Variants in TAFA5 observed in about 807,000 individuals in gnomAD.
TAFA5 encodes the protein TAFA chemokine like family member 5.
A neutral mutation model predicts 15.3 loss-of-function variants in TAFA5; 6 were observed. That is an observed-to-expected ratio of 0.39 (90% confidence interval 0.21 to 0.77). TAFA5 has a LOEUF of 0.77. TAFA5 is among the 30% of genes least tolerant of loss of function. TAFA5 has a pLI of 0.41. For missense variants in TAFA5, 161 were observed against 193.1 expected (o/e 0.83, Z 0.98); for synonymous variants, 103 against 80.7 (o/e 1.28, Z -1.48).
chr22:48,617,436 AATG>A (rs1353076405), intron 1 of TAFA5, among the ~76,000 whole-genome samples: 1 of 152,152 alleles, frequency 6.6e-6, no homozygotes. Flanking sequence ...CAAGAGGATA[AATG>A]GGTGCTGTTT....
At chr22:48,516,669 C>G (rs1921418590) in intron 1 of TAFA5, among the ~76,000 whole-genome samples, 1 of 152,196 alleles carries the variant, frequency 6.6e-6, no homozygotes, top group Admixed American at 6.5e-5. Context: ...GGGCTCGGGT[C>G]ATGTGGCTCA....
At chr22:48,695,578 T>C (rs543791660) in intron 2 of TAFA5, among the ~76,000 whole-genome samples, 1 of 152,290 alleles carries the variant, frequency 6.6e-6, no homozygotes, top group South Asian at 2.1e-4. Flanking sequence ...CTTGTGCCTG[T>C]CTGTCTGTTC....
rs544138200 is a variant in TAFA5 at position 48,556,539 on chromosome 22, T to A, written c.112+66835T>A. 8.5e-5 allele frequency among the ~76,000 whole-genome samples: 13 copies of A among 152,394 alleles called. No homozygotes were observed. In the South Asian group the frequency reaches 2.7e-3, roughly 32 times the overall value. ...GAGAAGCTTCTTGGCAGGCCCATGT[T>A]GGAAGACCTTTGATTTTTGAAAGGA... On this transcript the variant is annotated intron_variant, in intron 1 of 3. Transcript: ENST00000402357.
intron 1 of TAFA5, among the ~76,000 whole-genome samples, chr22:48,519,857 G>A (rs541467265): frequency 6.6e-6 from 1 of 152,340 alleles, no homozygotes; most frequent in South Asian, 2.1e-4. Context: ...TGGAAACAGG[G>A]TAATGGCAGG....
At chr22:48,612,901 G>A (rs1925463649) in intron 1 of TAFA5, among the ~76,000 whole-genome samples, 2 of 152,162 alleles carry the variant, frequency 1.3e-5, no homozygotes, top group African/African-American at 4.8e-5. Context: ...GCAGTGGGTG[G>A]TGCAGGAGGT....
chr22:48,522,160 CAGCCCA>C (rs1376835506), intron 1 of TAFA5, among the ~76,000 whole-genome samples: 1 of 152,174 alleles, frequency 6.6e-6, no homozygotes, highest in Non-Finnish European at 1.5e-5. Flanking sequence ...TGGAGATGGG[CAGCCCA>C]AGGCTGACGG....
intron 1 of TAFA5, among the ~76,000 whole-genome samples, chr22:48,579,107 A>G (rs540958145): frequency 1.0e-4 from 15 of 145,448 alleles, no homozygotes; most frequent in African/African-American, 3.8e-4. Context: ...GTGGAGATAG[A>G]GGCCACCCCG....
rs150313089 is a variant in TAFA5, at chr22:48,525,374, C to T, written c.112+35670C>T. Among the ~76,000 whole-genome samples, 573 of 152,312 alleles carry T rather than the reference C, an allele frequency of 3.8e-3. 4 individuals are homozygous for T. Among genetic ancestry groups the T allele is most frequent in the Middle Eastern group, 0.017 (5 of 294 alleles). On this transcript the variant is annotated intron_variant, in intron 1 of 3. Transcript: ENST00000402357. ...TACGCTGAGGGCTTGGTCCACACCC[C>T]ACCCTCACCCCGACAGGTGCCCGCT... is the stretch of plus-strand genomic sequence containing the variant.
chr22:48,587,979 C>T (rs935249353), intron 1 of TAFA5, among the ~76,000 whole-genome samples: 30 of 152,204 alleles, frequency 2.0e-4, no homozygotes, highest in African/African-American at 6.8e-4. Context: ...CTTGTTCCTG[C>T]CCATTTTACT....
chr22:48,513,717 G>A (rs897703958), intron 1 of TAFA5, among the ~76,000 whole-genome samples: 9 of 152,236 alleles, frequency 5.9e-5, no homozygotes, highest in South Asian at 2.1e-4. Context: ...AGGAGGTGCC[G>A]TGCCTTGCTC....
At chr22:48,582,904 C>G (rs1272561316) in intron 1 of TAFA5, among the ~76,000 whole-genome samples, 2 of 148,026 alleles carry the variant, frequency 1.4e-5, no homozygotes, top group African/African-American at 5.0e-5. Flanking sequence ...AAGTACACCA[C>G]ACACAAAATA....
At chr22:48,673,521 CT>C (rs758785465) in intron 2 of TAFA5, among the ~76,000 whole-genome samples, 3 of 152,178 alleles carry the variant, frequency 2.0e-5, no homozygotes, top group Non-Finnish European at 4.4e-5. Context: ...CTGTTGGGCT[CT>C]GCTGGCCAGG....
chr22:48,654,252 C>T (rs537465491), intron 2 of TAFA5, among the ~76,000 whole-genome samples: 1 of 152,246 alleles, frequency 6.6e-6, no homozygotes, highest in South Asian at 2.1e-4. Context: ...GGAGGCCAGA[C>T]ACCTGGGCTG....
chr22:48,692,077 G>A (rs539035318), intron 2 of TAFA5, among the ~76,000 whole-genome samples: 86 of 152,300 alleles, frequency 5.6e-4, no homozygotes, highest in African/African-American at 2.0e-3. Context: ...CTGAACCTGG[G>A]ATGGGGCAGT....
At chr22:48,518,982 C>T (rs1921513527) in intron 1 of TAFA5, among the ~76,000 whole-genome samples, 1 of 152,130 alleles carries the variant, frequency 6.6e-6, no homozygotes, top group African/African-American at 2.4e-5. Flanking sequence ...GTCGGACACC[C>T]TGGAGGGAGG....
At chr22:48,717,437 T>TG (rs1322286932) in intron 3 of TAFA5, among the ~76,000 whole-genome samples, 2 of 152,152 alleles carry the variant, frequency 1.3e-5, no homozygotes, top group African/African-American at 2.4e-5. Context: ...GGACAAGAGG[T>TG]GTCTCCCAGG....
At chr22:48,727,258 A>G (rs1929741494) in intron 3 of TAFA5, among the ~76,000 whole-genome samples, 1 of 152,216 alleles carries the variant, frequency 6.6e-6, no homozygotes. Context: ...ATTATTTAAT[A>G]TACTCTGTAT....
chr22:48,638,440 C>T (rs1286204751), intron 1 of TAFA5, among the ~76,000 whole-genome samples: 187 of 102,182 alleles, frequency 1.8e-3, no homozygotes, highest in African/African-American at 6.0e-3. Flanking sequence ...ACAGGCAGCA[C>T]CCCTCCCCCG....
At chr22:48,602,515 T>A (rs1018706920) in intron 1 of TAFA5, among the ~76,000 whole-genome samples, 1 of 152,214 alleles carries the variant, frequency 6.6e-6, no homozygotes, top group Non-Finnish European at 1.5e-5. Context: ...CTTGAGTACC[T>A]CTCACCCCCT....
Sources: allele counts gnomAD v4.1 joint callset (sites outside exome capture counted in the v4.1 genomes callset), GRCh38; gene constraint gnomAD v4.1.1; transcripts MANE v1.5; gene names NCBI Gene and HGNC (gene_info 2026-07-23, HGNC 2026-07-21).